KIRREL3: variants seen among roughly 807,000 people sequenced by gnomAD.
KIRREL3 encodes kin of IRRE-like protein 3.
Under a neutral mutation model 89.7 loss-of-function variants are expected in KIRREL3, and 36 were observed. That is an observed-to-expected ratio of 0.40 (90% CI 0.31 to 0.53). KIRREL3 has a LOEUF of 0.53. Among genes scored for constraint, KIRREL3 ranks in the 20% least tolerant of loss-of-function variants. KIRREL3 has a pLI of 0.49. For synonymous variants in KIRREL3, 445 were observed against 441.4 expected (o/e 1.01, Z -0.10); for missense variants, 864 against 1,056.6 (o/e 0.82, Z 2.53).
chr11:126,688,411 C>T (rs1403317713), intron 1 of KIRREL3, among the ~76,000 whole-genome samples: 1 of 152,218 alleles, frequency 6.6e-6, no homozygotes, highest in East Asian at 1.9e-4. Flanking sequence ...ACACCTGTGG[C>T]CCCCAGTTGG....
At position 126,484,546 on chromosome 11, in the gene KIRREL3, A is replaced by G. The variant is rs1247777019; in HGVS notation, c.434-11080T>C. Among the ~76,000 whole-genome samples, 2 of 152,236 alleles carry G rather than the reference A, an allele frequency of 1.3e-5. No homozygotes were observed. Among genetic ancestry groups the G allele is most frequent in the African/African-American group, 4.8e-5 (2 of 41,464 alleles). ...AGCTAGTAAGCAGCAGAGCTGGGAT[A>G]TGGGTAGGGTTTCCAGACTTAACAA... On this transcript the variant is annotated intron_variant, in intron 4 of 16. Transcript: ENST00000525144. This position sits in a 1 kb window ranked among gnomAD's most constrained non-coding sequence, Gnocchi z 5.2.
At chr11:126,595,959 G>C (rs1283389083) in intron 1 of KIRREL3, among the ~76,000 whole-genome samples, 3 of 152,186 alleles carry the variant, frequency 2.0e-5, no homozygotes, top group Admixed American at 6.5e-5. Flanking sequence ...CACAATATAG[G>C]CTGGTGCTGT....
At chr11:126,698,681 T>TG (rs1439620627) in intron 1 of KIRREL3, among the ~76,000 whole-genome samples, 1 of 152,158 alleles carries the variant, frequency 6.6e-6, no homozygotes, top group South Asian at 2.1e-4. Flanking sequence ...CCGGGAGTGG[T>TG]GGGGGAGTGT....
At chr11:126,998,393 A>G (rs1950230872) in intron 1 of KIRREL3, among the ~76,000 whole-genome samples, 1 of 152,172 alleles carries the variant, frequency 6.6e-6, no homozygotes, top group African/African-American at 2.4e-5. Context: ...CTGACCAGCC[A>G]TGTCCACTTG....
intron 7 of KIRREL3, among the ~76,000 whole-genome samples, chr11:126,450,456 TGA>T (rs1405517903): frequency 7.7e-5 from 10 of 130,416 alleles, no homozygotes; most frequent in Middle Eastern, 3.6e-3. Flanking sequence ...TGCGCATCTG[TGA>T]GTGTGTGAAT....
rs1259665644 is a variant in KIRREL3 at position 126,513,023 on chromosome 11, C to T, written c.433+8292G>A. On this transcript the variant is annotated intron_variant, in intron 4 of 16. Coordinates refer to ENST00000525144, the MANE Select transcript of KIRREL3 (RefSeq NM_032531.4). This position sits in a 1 kb window ranked among gnomAD's most constrained non-coding sequence, Gnocchi z 5.9. ...TGCGTCCCAGCTCCCCAGTGAGGGC[C>T]GTTTGTCCTGCTTGGGTCTGGAGAG... 2.0e-5 allele frequency among the ~76,000 whole-genome samples: 3 copies of T among 152,052 alleles called. No homozygotes were observed. The highest frequency in any genetic ancestry group is 2.4e-5 in the African/African-American group (1 of 41,402).
chr11:126,450,923 ATGTGTGCATGTGTGTGGGCG>A (rs1212092758), intron 7 of KIRREL3, among the ~76,000 whole-genome samples: 8 of 125,398 alleles, frequency 6.4e-5, no homozygotes, highest in East Asian at 2.6e-4. Flanking sequence ...GTCCACGTGC[ATGTGTGCATGTGTGTGGGCG>A]TGTGTGCATG....
chr11:126,887,381 A>G (rs950476734), intron 1 of KIRREL3, among the ~76,000 whole-genome samples: 2 of 152,178 alleles, frequency 1.3e-5, no homozygotes, highest in South Asian at 4.1e-4. Flanking sequence ...AGAAGCAAGA[A>G]GCATTACTGA....
chr11:126,612,373 G>C lies in KIRREL3; in HGVS notation c.56-49461C>G, dbSNP rs1413647099. ...CCTCAGTATTTGAATAAATAAATGT[G>C]GTGTCAATTTGGATTAATTTTCTTG... is the stretch of plus-strand genomic sequence containing the variant. On this transcript the variant is annotated intron_variant, in intron 1 of 16. Transcript: ENST00000525144. This position sits in a 1 kb window ranked among gnomAD's most constrained non-coding sequence, Gnocchi z 4.5. 1.3e-5 allele frequency among the ~76,000 whole-genome samples: 2 copies of C among 151,996 alleles called. No homozygotes were observed. Among genetic ancestry groups the C allele is most frequent in the African/African-American group, 4.8e-5 (2 of 41,382 alleles).
intron 1 of KIRREL3, among the ~76,000 whole-genome samples, chr11:126,885,017 A>T (rs549569988): frequency 1.3e-5 from 2 of 152,036 alleles, no homozygotes; most frequent in Non-Finnish European, 2.9e-5. Flanking sequence ...AAACATAAAG[A>T]CTCTTCCACA....
chr11:126,741,394 C>T (rs960593198), intron 1 of KIRREL3, among the ~76,000 whole-genome samples: 9 of 152,180 alleles, frequency 5.9e-5, no homozygotes, highest in African/African-American at 1.9e-4. Flanking sequence ...TCCCGTGGGG[C>T]CAGCACAATG....
At chr11:126,649,087 C>T (rs1944807509) in intron 1 of KIRREL3, among the ~76,000 whole-genome samples, 1 of 152,166 alleles carries the variant, frequency 6.6e-6, no homozygotes, top group Non-Finnish European at 1.5e-5. Flanking sequence ...GTGAAAACGC[C>T]TGATATAACC....
At chr11:126,957,323 GA>G (rs1316995893) in intron 1 of KIRREL3, among the ~76,000 whole-genome samples, 1 of 152,198 alleles carries the variant, frequency 6.6e-6, no homozygotes, top group African/African-American at 2.4e-5. Flanking sequence ...GCTAATTGAT[GA>G]TTACATTTCA....
chr11:126,527,809 C>G lies in KIRREL3; in HGVS notation c.134-1122G>C, dbSNP rs559216442. Among the ~76,000 whole-genome samples, 188 of 152,238 alleles carry G rather than the reference C, an allele frequency of 1.2e-3. 2 individuals are homozygous for G. The highest frequency in any genetic ancestry group is 6.8e-3 in the Middle Eastern group (2 of 294). Reference sequence around the variant, plus strand: ...TTTCTGGCTCTGAAGACCATGCTCTCCCCTACTGAGCTATGCTGTGTGCAG... The same window carrying G: ...TTTCTGGCTCTGAAGACCATGCTCTGCCCTACTGAGCTATGCTGTGTGCAG... On this transcript the variant is annotated intron_variant, in intron 2 of 16. Coordinates refer to ENST00000525144, the MANE Select transcript of KIRREL3 (RefSeq NM_032531.4). The surrounding 1 kb of genome is among the most constrained non-coding windows in gnomAD (Gnocchi z 4.2).
At position 126,605,786 on chromosome 11, in the gene KIRREL3, A is replaced by G. The variant is rs1261298425; in HGVS notation, c.56-42874T>C. On this transcript the variant is annotated intron_variant, in intron 1 of 16. Transcript: ENST00000525144. The surrounding 1 kb of genome is among the most constrained non-coding windows in gnomAD (Gnocchi z 5.7). ...GAAAGCATGGGGCATATGGGTAGAGAGTGAGGTCTGGAGGGCATGGGACAT... is the reference window on the plus strand; with the variant it reads ...GAAAGCATGGGGCATATGGGTAGAGGGTGAGGTCTGGAGGGCATGGGACAT... Among the ~76,000 whole-genome samples the G allele has an allele frequency of 6.6e-6, 1 of 152,120 alleles. No individual in the cohort carries two copies. The highest frequency in any genetic ancestry group is 2.4e-5 in the African/African-American group (1 of 41,418).
Position 126,697,416 on chromosome 11 carries a change from C to A in KIRREL3, c.56-134504G>T, listed in dbSNP as rs1048839535. On this transcript the variant is annotated intron_variant, in intron 1 of 16. Transcript: ENST00000525144. This position sits in a 1 kb window ranked among gnomAD's most constrained non-coding sequence, Gnocchi z 4.2. ...TATCTAGAACATGAGGGTAATAGTTCCCAGTTGCCAAAGCTTTTCCCACAG... is the reference window on the plus strand; with the variant it reads ...TATCTAGAACATGAGGGTAATAGTTACCAGTTGCCAAAGCTTTTCCCACAG... 2.6e-5 allele frequency among the ~76,000 whole-genome samples: 4 copies of A among 152,144 alleles called. No individual in the cohort carries two copies. The highest frequency in any genetic ancestry group is 9.7e-5 in the African/African-American group (4 of 41,412).
At chr11:126,448,874 G>A (rs140497868) in intron 8 of KIRREL3, 135 bp downstream of exon 8, 61 of 865,520 alleles carry the variant, frequency 7.0e-5, no homozygotes, top group African/African-American at 1.0e-4. Flanking sequence ...AGCTTTCGTC[G>A]AGTGCAAACC....
intron 1 of KIRREL3, among the ~76,000 whole-genome samples, chr11:126,727,786 T>G (rs765487172): frequency 3.9e-5 from 6 of 152,220 alleles, no homozygotes; most frequent in African/African-American, 9.6e-5. Flanking sequence ...ACAAAAGAAC[T>G]AAACGAAGGA....
chr11:126,938,402 A>C (rs187680259), intron 1 of KIRREL3, among the ~76,000 whole-genome samples: 218 of 152,318 alleles, frequency 1.4e-3, no homozygotes, highest in African/African-American at 5.0e-3. Context: ...GAGTGTTACT[A>C]TCTCTATTTT....
Sources: allele counts gnomAD v4.1 joint callset (sites outside exome capture counted in the v4.1 genomes callset), GRCh38; gene constraint gnomAD v4.1.1; non-coding constraint Gnocchi (gnomAD v3.1); transcripts MANE v1.5; gene names NCBI Gene and HGNC (gene_info 2026-07-23, HGNC 2026-07-21).